The following KCNQ1 variants were observed in gnomAD, a reference collection of about 807,000 sequenced individuals.
The protein encoded by KCNQ1 is potassium voltage-gated channel subfamily Q member 1, also known as potassium voltage-gated channel subfamily KQT member 1.
A neutral mutation model predicts 72.4 loss-of-function variants in KCNQ1; 49 were observed. The ratio of observed to expected loss-of-function variants is 0.68; its 90% CI spans 0.54 to 0.86. KCNQ1 has a LOEUF of 0.86. KCNQ1 is among the 40% of genes least tolerant of loss of function. The pLI is 0.00. For missense variants in KCNQ1, 790 were observed against 945.1 expected, an observed-to-expected ratio of 0.84 and a Z score of 2.15; for synonymous variants, 450 against 412.6, an observed-to-expected ratio of 1.09 and a Z score of -1.10.
Position 2,468,112 on chromosome 11 carries a change from C to T in KCNQ1, c.386+22628C>T, listed in dbSNP as rs12296050. On this transcript the variant is annotated intron_variant, in intron 1 of 15. Coordinates refer to ENST00000155840, the MANE Select transcript of KCNQ1 (RefSeq NM_000218.3). The surrounding 1 kb of genome is among the most constrained non-coding windows in gnomAD (Gnocchi z 5.7). ...AAATGCACTGTCTCTCCTGGGCTCCCAACCTTTCACAGGCCACAGGCCCAT... is the reference window on the plus strand; with the variant it reads ...AAATGCACTGTCTCTCCTGGGCTCCTAACCTTTCACAGGCCACAGGCCCAT... 0.32 allele frequency among the ~76,000 whole-genome samples: 49,167 copies of T among 152,202 alleles called. 9,495 individuals are homozygous for T. The highest frequency in any genetic ancestry group is 0.53 in the African/African-American group (21,823 of 41,522).
rs1847933448 is a variant in KCNQ1, at chr11:2,830,911, CTT to C, written c.1795-16854_1795-16853del. Among the ~76,000 whole-genome samples, 1 of 152,188 alleles carries C rather than the reference CTT, an allele frequency of 6.6e-6. No homozygotes were observed. The highest frequency in any genetic ancestry group is 2.1e-4 in the South Asian group (1 of 4,832). Reference sequence around the variant, plus strand: ...CAGGGTTAGGAGCTGACCAGGGAGTCTTTGAAACCGCAAGGGTACCCTTGGGA... The same window carrying C: ...CAGGGTTAGGAGCTGACCAGGGAGTCTGAAACCGCAAGGGTACCCTTGGGA... On this transcript the variant is annotated intron_variant, in intron 15 of 15. Coordinates refer to ENST00000155840, the MANE Select transcript of KCNQ1 (RefSeq NM_000218.3). The surrounding 1 kb of genome is among the most constrained non-coding windows in gnomAD (Gnocchi z 7.7).
rs373791224 is a variant in KCNQ1, at chr11:2,562,636, A to G, written c.478-7992A>G. Among the ~76,000 whole-genome samples the G allele has an allele frequency of 9.9e-5, 15 of 152,242 alleles. 1 individual carries two copies. The East Asian group carries it at 1.9e-3, about 20-fold the overall frequency. ...CTAACCCCTGTGTCCACCCCTCTTCAGAGTCTCCAGGCCCCATCTTGGCCT... is the reference window on the plus strand; with the variant it reads ...CTAACCCCTGTGTCCACCCCTCTTCGGAGTCTCCAGGCCCCATCTTGGCCT... On this transcript the variant is annotated intron_variant, in intron 2 of 15. Transcript: ENST00000155840. This position sits in a 1 kb window ranked among gnomAD's most constrained non-coding sequence, Gnocchi z 7.5.
Position 2,642,866 on chromosome 11 carries a change from A to G in KCNQ1, c.1394-19095A>G, listed in dbSNP as rs918157256. ...TTAAGTTTCAGAATGTTGTGCTTCT[A>G]TTTTCACTTGTTTCAGTAAATTTTT... On this transcript the variant is annotated intron_variant, in intron 10 of 15. Coordinates refer to ENST00000155840, the MANE Select transcript of KCNQ1 (RefSeq NM_000218.3). This position sits in a 1 kb window ranked among gnomAD's most constrained non-coding sequence, Gnocchi z 4.3. The G allele has an allele frequency of 4.3e-5, 17 of 397,490 alleles. No individual in the cohort carries two copies. The highest frequency in any genetic ancestry group is 2.9e-4 in the African/African-American group (14 of 48,514). 24.6% of individuals were successfully genotyped at this position (397,490 alleles called of 1,614,324 possible). A position where few individuals can be genotyped will look rare whatever the true frequency, so the allele number is the denominator to read the frequency against.
At chr11:2,616,550 CT>C (rs1849067824) in intron 10 of KCNQ1, 1 of 397,940 alleles carries the variant, frequency 2.5e-6, no homozygotes, top group African/African-American at 2.1e-5. Context: ...CTGAGCACTT[CT>C]TTCACTACAT....
At chr11:2,459,362 G>C (rs1460142968) in intron 1 of KCNQ1, among the ~76,000 whole-genome samples, 7 of 152,222 alleles carry the variant, frequency 4.6e-5, no homozygotes, top group Admixed American at 4.6e-4. Flanking sequence ...ACAGGGGCAG[G>C]GGTGGGGGGC....
At position 2,645,159 on chromosome 11, in the gene KCNQ1, A is replaced by T. The variant is rs949287186; in HGVS notation, c.1394-16802A>T. The stretch of plus-strand genomic sequence containing the variant: ...TGGCAGAACAATCTTCTGCCTCCCA[A>T]GGTGTCCATGCTGGTATTGGGATGG... On this transcript the variant is annotated intron_variant, in intron 10 of 15. Transcript: ENST00000155840. The surrounding 1 kb of genome is among the most constrained non-coding windows in gnomAD (Gnocchi z 5.8). The T allele has an allele frequency of 3.5e-5, 14 of 398,556 alleles. No individual in the cohort carries two copies. The highest frequency in any genetic ancestry group is 5.3e-5 in the Non-Finnish European group (12 of 226,118). 24.7% of individuals were successfully genotyped at this position (398,556 alleles called of 1,614,324 possible).
intron 6 of KCNQ1, among the ~76,000 whole-genome samples, chr11:2,580,735 AC>A (rs1848486884): frequency 6.6e-6 from 1 of 151,688 alleles, no homozygotes; most frequent in South Asian, 2.1e-4. Context: ...CTCATACCTG[AC>A]CCCCACCTTG....
At position 2,803,161 on chromosome 11, in the gene KCNQ1, C is replaced by CCCT. The variant is rs35739467; in HGVS notation, c.1794+25126_1794+25127insTCC. 0.15 allele frequency among the ~76,000 whole-genome samples: 22,755 copies of CCCT among 150,760 alleles called. 2,241 individuals are homozygous for CCCT. Among genetic ancestry groups the CCCT allele is most frequent in the African/African-American group, 0.26 (10,543 of 40,330 alleles). ...CCCAGAAAACCCAGCCGGGCCCCCCCCCCCACGGGCACCCAGGAACCGCCC... is the reference window on the plus strand; with the variant it reads ...CCCAGAAAACCCAGCCGGGCCCCCCCCCTCCCCACGGGCACCCAGGAACCGCCC... On this transcript the variant is annotated intron_variant, in intron 15 of 15. Coordinates refer to ENST00000155840, the MANE Select transcript of KCNQ1 (RefSeq NM_000218.3). This position sits in a 1 kb window ranked among gnomAD's most constrained non-coding sequence, Gnocchi z 6.4.
chr11:2,677,537 A>G lies in KCNQ1; in HGVS notation c.1514+15456A>G. On this transcript the variant is annotated intron_variant, in intron 11 of 15. Transcript: ENST00000155840. The surrounding 1 kb of genome is among the most constrained non-coding windows in gnomAD (Gnocchi z 4.5). Reference sequence around the variant, plus strand: ...GTGCTGCCAACATCCTCTGCCAAGTATAAAAGATGCCCTCAGATGTTACCA... The same window carrying G: ...GTGCTGCCAACATCCTCTGCCAAGTGTAAAAGATGCCCTCAGATGTTACCA... The G allele has an allele frequency of 2.5e-6, 1 of 398,626 alleles. No homozygotes were observed. The allele number at this position is 398,626 out of a possible 1,614,324, so 24.7% of individuals were successfully genotyped here.
chr11:2,490,013 C>T (rs1249404564), intron 1 of KCNQ1, among the ~76,000 whole-genome samples: 2 of 152,170 alleles, frequency 1.3e-5, no homozygotes, highest in Non-Finnish European at 2.9e-5. Flanking sequence ...CATTTCTGGA[C>T]CTGCTCTAGG....
chr11:2,511,965 C>CAGAGG (rs1847213753), intron 1 of KCNQ1, among the ~76,000 whole-genome samples: 1 of 152,208 alleles, frequency 6.6e-6, no homozygotes, highest in Non-Finnish European at 1.5e-5. Context: ...GGAAGCAGTG[C>CAGAGG]AGAGGAAGCG....
chr11:2,756,500 A>G (rs1425013266), intron 11 of KCNQ1, among the ~76,000 whole-genome samples: 1 of 152,072 alleles, frequency 6.6e-6, no homozygotes, highest in African/African-American at 2.4e-5. Context: ...ATATTATATT[A>G]AAAAAGAAAG....
chr11:2,667,608 C>G, intron 11 of KCNQ1: 1 of 398,570 alleles, frequency 2.5e-6, no homozygotes, highest in Non-Finnish European at 4.4e-6. Flanking sequence ...GGGGGCACAT[C>G]CCATATAGAT....
chr11:2,622,512 C>T, intron 10 of KCNQ1: 1 of 398,402 alleles, frequency 2.5e-6, no homozygotes, highest in Non-Finnish European at 4.4e-6. Flanking sequence ...CCAACCTCTG[C>T]TTTTTGGAGA....
At chr11:2,806,588 G>A (rs749261286) in intron 15 of KCNQ1, among the ~76,000 whole-genome samples, 20 of 152,220 alleles carry the variant, frequency 1.3e-4, no homozygotes, top group African/African-American at 2.7e-4. Context: ...CAGCTGGGCC[G>A]TGTCTGCTTT....
chr11:2,608,519 A>C lies in KCNQ1; in HGVS notation c.1393+19665A>C, dbSNP rs556308424. ...GAAACAGAGTCTCTCTCTGTTGCCC[A>C]GGCTGGAATAGAGTGGTGTAATCAT... On this transcript the variant is annotated intron_variant, in intron 10 of 15. Transcript: ENST00000155840. This position sits in a 1 kb window ranked among gnomAD's most constrained non-coding sequence, Gnocchi z 4.6. 2.5e-6 allele frequency: 1 copy of C among 398,488 alleles called. No individual in the cohort carries two copies. The highest frequency in any genetic ancestry group is 1.3e-4 in the South Asian group (1 of 7,850). 24.7% of individuals were successfully genotyped at this position (398,488 alleles called of 1,614,324 possible). A position where few individuals can be genotyped will look rare whatever the true frequency, so the allele number is the denominator to read the frequency against.
chr11:2,533,486 G>GTGTACGTACGTGCATGTGCACGTC (rs1847675705), intron 2 of KCNQ1, among the ~76,000 whole-genome samples: 2 of 152,376 alleles, frequency 1.3e-5, no homozygotes, highest in Non-Finnish European at 2.9e-5. Flanking sequence ...GTGTGCACGT[G>GTGTACGTACGTGCATGTGCACGTC]TGTACGTACG....
At chr11:2,548,747 GTGT>G (rs1185079590) in intron 2 of KCNQ1, among the ~76,000 whole-genome samples, 1 of 152,244 alleles carries the variant, frequency 6.6e-6, no homozygotes, top group African/African-American at 2.4e-5. Flanking sequence ...TGCACACACG[GTGT>G]TGGGCTCTGG....
rs907205178 is a variant in KCNQ1, at chr11:2,671,739, A to T, written c.1514+9658A>T. On this transcript the variant is annotated intron_variant, in intron 11 of 15. Coordinates refer to ENST00000155840, the MANE Select transcript of KCNQ1 (RefSeq NM_000218.3). This position sits in a 1 kb window ranked among gnomAD's most constrained non-coding sequence, Gnocchi z 4.7. ...TGGTAGGCAAGGCTTTTCAGAGAAC[A>T]AGGAGCTACATACACATACATGCAT... The T allele has an allele frequency of 7.5e-6, 3 of 398,598 alleles. No individual in the cohort carries two copies. Among genetic ancestry groups the T allele is most frequent in the Non-Finnish European group, 1.3e-5 (3 of 226,120 alleles). The allele number at this position is 398,598 out of a possible 1,614,324, so 24.7% of individuals were successfully genotyped here. A position where few individuals can be genotyped will look rare whatever the true frequency, so the allele number is the denominator to read the frequency against.
Sources: gnomAD v4.1 joint callset for allele counts (sites outside exome capture counted in the v4.1 genomes callset) on GRCh38, gnomAD v4.1.1 for gene constraint, Gnocchi (gnomAD v3.1) non-coding constraint, MANE v1.5 for transcripts, NCBI Gene and HGNC (gene_info 2026-07-23, HGNC 2026-07-21) for gene names.